The following ERC2 variants were observed in gnomAD, a reference collection of about 807,000 sequenced individuals.
ERC2 encodes the protein ELKS/RAB6-interacting/CAST family member 2.
Under a neutral mutation model 114.8 loss-of-function variants are expected in ERC2, and 42 were observed. That is an observed-to-expected ratio of 0.37 (90% CI 0.29 to 0.47). The LOEUF (loss-of-function observed/expected upper bound fraction) is 0.47. ERC2 is among the 20% of genes least tolerant of loss of function. The pLI is 0.99. For synonymous variants in ERC2, 454 were observed against 425.5 expected (o/e 1.07, Z -0.82); for missense variants, 939 against 1,150.7 (o/e 0.82, Z 2.66).
At chr3:56,405,518 T>C (rs977153787) in intron 2 of ERC2, among the ~76,000 whole-genome samples, 2 of 152,068 alleles carry the variant, frequency 1.3e-5, no homozygotes, top group African/African-American at 2.4e-5. Flanking sequence ...GCCTGTCTAT[T>C]ATTAGGGTTG....
At chr3:56,372,139 A>G (rs1257345483) in intron 2 of ERC2, among the ~76,000 whole-genome samples, 1 of 152,230 alleles carries the variant, frequency 6.6e-6, no homozygotes. Context: ...TCATGCTTTC[A>G]AATTCTGAGA....
At chr3:55,705,833 G>A (rs1291904562) in intron 15 of ERC2, among the ~76,000 whole-genome samples, 2 of 152,146 alleles carry the variant, frequency 1.3e-5, no homozygotes, top group Non-Finnish European at 2.9e-5. Context: ...TTTGGCTGGT[G>A]TTTTTATACC....
chr3:56,151,121 T>C (rs2081388898), intron 4 of ERC2, among the ~76,000 whole-genome samples: 2 of 152,140 alleles, frequency 1.3e-5, no homozygotes, highest in African/African-American at 4.8e-5. Flanking sequence ...AGTCACCCAG[T>C]CTATAGTACT....
At chr3:56,413,674 T>C (rs1433783938) in intron 2 of ERC2, among the ~76,000 whole-genome samples, 1 of 152,196 alleles carries the variant, frequency 6.6e-6, no homozygotes, top group African/African-American at 2.4e-5. Flanking sequence ...TACCTTCTGA[T>C]GGAAAATGTG....
intron 14 of ERC2, among the ~76,000 whole-genome samples, chr3:55,846,389 G>A (rs1390687864): frequency 1.3e-5 from 2 of 152,070 alleles, no homozygotes; most frequent in African/African-American, 4.8e-5. Flanking sequence ...TCTTTATCCA[G>A]TCTACCACTG....
chr3:56,405,060 C>A (rs1184311899), intron 2 of ERC2, among the ~76,000 whole-genome samples: 1 of 152,122 alleles, frequency 6.6e-6, no homozygotes, highest in Non-Finnish European at 1.5e-5. Flanking sequence ...AATAGGTTGA[C>A]TTTGGCCAAA....
chr3:55,569,149 C>A (rs1021945044), intron 17 of ERC2, among the ~76,000 whole-genome samples: 3 of 152,126 alleles, frequency 2.0e-5, no homozygotes, highest in Non-Finnish European at 2.9e-5. Flanking sequence ...AAGGAAATAG[C>A]ACCAAAACTC....
chr3:55,754,995 A>G (rs2066957822), intron 14 of ERC2, among the ~76,000 whole-genome samples: 1 of 152,180 alleles, frequency 6.6e-6, no homozygotes, highest in African/African-American at 2.4e-5. Context: ...TTGTCCTGAT[A>G]TGGAGGCACA....
At chr3:55,605,660 G>A (rs919124644) in intron 17 of ERC2, among the ~76,000 whole-genome samples, 3 of 151,630 alleles carry the variant, frequency 2.0e-5, no homozygotes, top group African/African-American at 4.8e-5. Context: ...GCAAAAGTAT[G>A]TGATTTACTT....
At chr3:56,122,467 T>C (rs1560209595) in intron 6 of ERC2, among the ~76,000 whole-genome samples, 1 of 152,160 alleles carries the variant, frequency 6.6e-6, no homozygotes, top group East Asian at 1.9e-4. Context: ...TTAAAAAAAT[T>C]TTTTTTGACA....
chr3:56,261,024 C>A (rs1264329542), intron 3 of ERC2, among the ~76,000 whole-genome samples: 1 of 152,244 alleles, frequency 6.6e-6, no homozygotes, highest in African/African-American at 2.4e-5. Flanking sequence ...AAGAGTCACA[C>A]GCGACTGTAA....
intron 3 of ERC2, among the ~76,000 whole-genome samples, chr3:56,264,339 G>A (rs759673078): frequency 6.6e-6 from 1 of 152,180 alleles, no homozygotes; most frequent in Non-Finnish European, 1.5e-5. Context: ...GCTCACGCCT[G>A]TAATCCCAGA....
intron 4 of ERC2, among the ~76,000 whole-genome samples, chr3:56,165,150 C>T (rs1163733217): frequency 6.7e-6 from 1 of 150,228 alleles, no homozygotes; most frequent in African/African-American, 2.4e-5. Context: ...GCCCTCCCAA[C>T]CTTCACTTTT....
intron 3 of ERC2, among the ~76,000 whole-genome samples, chr3:56,259,824 C>T (rs1400523855): frequency 6.6e-6 from 1 of 152,150 alleles, no homozygotes; most frequent in East Asian, 1.9e-4. Flanking sequence ...TGAAAACTGA[C>T]CCAAGCTGGG....
chr3:55,558,522 T>A (rs570876959), intron 17 of ERC2, among the ~76,000 whole-genome samples: 165 of 152,350 alleles, frequency 1.1e-3, no homozygotes, highest in African/African-American at 3.8e-3. Flanking sequence ...ATTCATTTCC[T>A]GAAAAGTGGA....
chr3:55,990,666 T>C (rs2070991623), intron 11 of ERC2, among the ~76,000 whole-genome samples: 1 of 152,228 alleles, frequency 6.6e-6, no homozygotes, highest in South Asian at 2.1e-4. Context: ...TCCTCTCACC[T>C]TGGCCTCCCA....
chr3:55,963,603 A>G (rs1341866825), intron 12 of ERC2, among the ~76,000 whole-genome samples: 1 of 152,212 alleles, frequency 6.6e-6, no homozygotes, highest in Non-Finnish European at 1.5e-5. Context: ...CTCTTTTCAA[A>G]TTAAAAAAAT....
intron 14 of ERC2, among the ~76,000 whole-genome samples, chr3:55,739,469 G>C (rs1298800131): frequency 2.6e-5 from 4 of 152,164 alleles, no homozygotes; most frequent in African/African-American, 9.7e-5. Flanking sequence ...GTGTGAGATA[G>C]TACGTCATTG....
intron 2 of ERC2, among the ~76,000 whole-genome samples, chr3:56,415,692 C>A (rs541579108): frequency 6.6e-6 from 1 of 152,284 alleles, no homozygotes; most frequent in East Asian, 1.9e-4. Flanking sequence ...CCATCAACAG[C>A]AAAAGTAAAA....
Sources: allele counts gnomAD v4.1 joint callset (sites outside exome capture counted in the v4.1 genomes callset), GRCh38; gene constraint gnomAD v4.1.1; transcripts MANE v1.5; gene names NCBI Gene and HGNC (gene_info 2026-07-23, HGNC 2026-07-21).